Variants in AGBL1 observed in about 807,000 individuals in gnomAD.
The protein encoded by AGBL1 is cytosolic carboxypeptidase 4.
AGBL1 carries 130 observed loss-of-function variants against 118.9 expected under a neutral mutation model. That is an observed-to-expected ratio of 1.09 (90% CI 0.95 to 1.26). The LOEUF (loss-of-function observed/expected upper bound fraction) is 1.26. Among genes scored for constraint, AGBL1 ranks in the 50% most tolerant of loss-of-function variants. The pLI is 0.00. For missense variants in AGBL1, 1,584 were observed against 1,298.1 expected (o/e 1.22, Z -3.38); for synonymous variants, 555 against 478.9 (o/e 1.16, Z -2.08).
chr15:86,557,274 T>C (rs2083748262), intron 21 of AGBL1, among the ~76,000 whole-genome samples: 2 of 152,140 alleles, frequency 1.3e-5, no homozygotes, highest in African/African-American at 4.8e-5. Flanking sequence ...GGGCTCATTT[T>C]TTTAGAGGCA....
intron 6 of AGBL1, among the ~76,000 whole-genome samples, chr15:86,244,910 ACT>A (rs1200216753): frequency 6.6e-6 from 1 of 152,088 alleles, no homozygotes; most frequent in Non-Finnish European, 1.5e-5. Flanking sequence ...GCAATAAATA[ACT>A]CTCATGCTGT....
chr15:86,363,958 C>T (rs922008973), intron 17 of AGBL1, among the ~76,000 whole-genome samples: 1 of 152,142 alleles, frequency 6.6e-6, no homozygotes, highest in Non-Finnish European at 1.5e-5. Flanking sequence ...TAATCAGTGC[C>T]CAGCTTTTAT....
At position 86,258,035 on chromosome 15, in the gene AGBL1, G is replaced by A; in HGVS notation, c.969+4G>A. The A allele has an allele frequency of 6.2e-7, 1 of 1,613,094 alleles. No individual in the cohort carries two copies. The highest frequency in any genetic ancestry group is 8.5e-7 in the Non-Finnish European group (1 of 1,179,516). On this transcript the variant is annotated splice_donor_region_variant and intron_variant, in intron 9 of 22. Coordinates refer to ENST00000614907, the MANE Select transcript of AGBL1 (RefSeq NM_001386094.1). ...TACTGAAGATGGGAAAGTGGAAGTA[G>A]GTACACCAGCCCATGCTTCTAATGA...
intron 22 of AGBL1, among the ~76,000 whole-genome samples, chr15:86,768,861 G>A (rs1286900058): frequency 6.6e-6 from 1 of 151,716 alleles, no homozygotes; most frequent in Non-Finnish European, 1.5e-5. Flanking sequence ...AAATATAATA[G>A]GTACCCTTTA....
intron 21 of AGBL1, among the ~76,000 whole-genome samples, chr15:86,666,698 A>G (rs1018357762): frequency 1.3e-5 from 2 of 152,240 alleles, no homozygotes; most frequent in Non-Finnish European, 2.9e-5. Flanking sequence ...CTTACATAAT[A>G]TGCAGTGGAC....
chr15:86,099,043 T>C (rs1003277560), intron 1 of AGBL1, among the ~76,000 whole-genome samples: 4 of 152,118 alleles, frequency 2.6e-5, no homozygotes, highest in Admixed American at 2.6e-4. Flanking sequence ...GAAGCCTTGA[T>C]ACGCAACATA....
At chr15:86,611,656 T>C (rs1228543800) in intron 21 of AGBL1, among the ~76,000 whole-genome samples, 1 of 151,664 alleles carries the variant, frequency 6.6e-6, no homozygotes, top group Admixed American at 6.6e-5. Context: ...TGTCAAGGTA[T>C]TTTTTCCCCC....
intron 20 of AGBL1, among the ~76,000 whole-genome samples, chr15:86,550,039 CA>C (rs2083643504): frequency 6.6e-6 from 1 of 151,438 alleles, no homozygotes; most frequent in African/African-American, 2.4e-5. Flanking sequence ...TGATTAACCC[CA>C]AATTATTCAA....
At chr15:86,748,531 TTTTTTTTTTTTTTTTG>T in intron 22 of AGBL1, among the ~76,000 whole-genome samples, 1 of 133,084 alleles carries the variant, frequency 7.5e-6, no homozygotes, top group Admixed American at 7.6e-5. Context: ...TTTTTTTTTT[TTTTTTTTTTTTTTTTG>T]CCATTGCTTT....
chr15:86,865,792 C>T (rs1012960566), intron 22 of AGBL1, among the ~76,000 whole-genome samples: 1 of 152,152 alleles, frequency 6.6e-6, no homozygotes, highest in African/African-American at 2.4e-5. Flanking sequence ...CTATGTTTAG[C>T]CTATCTGTGT....
rs749552270 is a variant in AGBL1, at chr15:86,269,975, G to A, written c.1895G>A (p.Trp632Ter). The change falls in exon 14 of 23, where the codon TGG becomes TAG. Residue 632 changes from tryptophan to a stop codon, truncating the protein, a stop_gained. Coordinates refer to ENST00000614907, the MANE Select transcript of AGBL1 (RefSeq NM_001386094.1). LOFTEE classifies it high-confidence loss of function. Reference protein sequence around the residue: ...ADVNSTQHQQWFYFKVSGMQA... With the variant: ...ADVNSTQHQQ Reference sequence around the variant, plus strand: ...GTGAATAGCACCCAGCACCAGCAGTGGTTCTATTTCAAAGTGAGCGGTATG... The same window carrying A: ...GTGAATAGCACCCAGCACCAGCAGTAGTTCTATTTCAAAGTGAGCGGTATG... The A allele has an allele frequency of 5.0e-6, 8 of 1,613,872 alleles. No individual in the cohort carries two copies. In the South Asian group the frequency reaches 7.7e-5, roughly 16 times the overall value.
At chr15:86,212,759 T>G (rs202105607) in intron 5 of AGBL1, among the ~76,000 whole-genome samples, 1 of 152,126 alleles carries the variant, frequency 6.6e-6, no homozygotes, top group African/African-American at 2.4e-5. Flanking sequence ...AAGCGATTCT[T>G]CTGCCTCAGC....
At position 86,998,173 on chromosome 15, in the gene AGBL1, T is replaced by C. The variant is rs547737026; in HGVS notation, c.3323+10085T>C. ...TTCCCTCCCGTTGAGTATGATCTAG[T>C]CTAGTGACTTGCTGTTATGTAATAA... On this transcript the variant is annotated intron_variant, in intron 24 of 24. Coordinates refer to the AGBL1 transcript ENST00000441037. 1.3e-3 allele frequency among the ~76,000 whole-genome samples: 194 copies of C among 152,256 alleles called. 2 individuals are homozygous for C. The highest frequency in any genetic ancestry group is 2.6e-4 in the Non-Finnish European group (18 of 68,022).
chr15:86,296,788 T>C (rs765536966), intron 17 of AGBL1: 1 of 152,234 alleles, frequency 6.6e-6, no homozygotes. Context: ...CGTCAGCAGA[T>C]GAGCAGTGCT....
intron 22 of AGBL1, among the ~76,000 whole-genome samples, chr15:86,839,105 G>A (rs916177577): frequency 2.6e-5 from 4 of 152,036 alleles, no homozygotes; most frequent in Admixed American, 2.6e-4. Flanking sequence ...AATGCAAGCA[G>A]AGAGAGGAGA....
In AGBL1 at chr15:86,855,346, G is replaced by A. The variant is rs558220193; in HGVS notation, c.3159-51741G>A. 3.9e-5 allele frequency among the ~76,000 whole-genome samples: 6 copies of A among 152,320 alleles called. No homozygotes were observed. In the South Asian group the frequency reaches 8.3e-4, roughly 21 times the overall value. On this transcript the variant is annotated intron_variant, in intron 22 of 22. Transcript: ENST00000614907. ...TAGTATAAAGCCAAGGAGAGCCAGAGCACCATATGTTTATGAATATAATGG... is the reference window on the plus strand; with the variant it reads ...TAGTATAAAGCCAAGGAGAGCCAGAACACCATATGTTTATGAATATAATGG...
chr15:86,348,713 G>A (rs1471159351), intron 17 of AGBL1, among the ~76,000 whole-genome samples: 1 of 150,586 alleles, frequency 6.6e-6, no homozygotes, highest in East Asian at 2.0e-4. Flanking sequence ...GGGAGGCAGA[G>A]ATTGCAGAGA....
At chr15:86,974,845 T>G (rs1374143847) in intron 23 of AGBL1, among the ~76,000 whole-genome samples, 2 of 151,732 alleles carry the variant, frequency 1.3e-5, no homozygotes, top group African/African-American at 4.8e-5. Context: ...GAGGTAACAA[T>G]GTAGTAAATT....
chr15:86,449,530 A>G (rs2082167499), intron 18 of AGBL1, among the ~76,000 whole-genome samples: 1 of 152,198 alleles, frequency 6.6e-6, no homozygotes, highest in African/African-American at 2.4e-5. Flanking sequence ...AGCTGTGTGG[A>G]TTCTTGGCCA....
Sources: allele counts gnomAD v4.1 joint callset (sites outside exome capture counted in the v4.1 genomes callset), GRCh38; gene constraint gnomAD v4.1.1; transcripts MANE v1.5; gene names NCBI Gene and HGNC (gene_info 2026-07-23, HGNC 2026-07-21).